COL5A2: variants seen among roughly 807,000 people sequenced by gnomAD.
The protein encoded by COL5A2 is collagen type V alpha 2 chain.
In COL5A2, 23 loss-of-function variants were observed where a neutral mutation model predicts 208.2. The ratio of observed to expected loss-of-function variants is 0.11; its 90% confidence interval spans 0.08 to 0.16. The LOEUF is 0.16. Among genes scored for constraint, COL5A2 ranks in the 10% least tolerant of loss-of-function variants. The probability of loss-of-function intolerance (pLI) is 1.00; values close to 1 mark genes in which losing one functional copy is unlikely to be tolerated. For missense variants in COL5A2, 1,590 were observed against 1,956.4 expected (o/e 0.81, Z 3.53); for synonymous variants, 625 against 628.5 (o/e 0.99, Z 0.08).
chr2:189,302,863 C>T, the COL5A2 span, among the ~76,000 whole-genome samples: 9 of 152,092 alleles, frequency 5.9e-5, no homozygotes, highest in African/African-American at 2.2e-4. Context: ...TCAAGGAACT[C>T]TTACTTTACT....
intron 1 of COL5A2, among the ~76,000 whole-genome samples, chr2:189,135,596 T>C (rs1687812800): frequency 6.6e-6 from 1 of 152,188 alleles, no homozygotes; most frequent in Non-Finnish European, 1.5e-5. Flanking sequence ...TTCAATTGTT[T>C]TGGCTTCAAG....
rs1686151061 is a variant in COL5A2, at chr2:189,066,455, C to T, written c.1498G>A (p.Glu500Lys). 1.2e-6 allele frequency: 2 copies of T among 1,614,182 alleles called. No homozygotes were observed. Among genetic ancestry groups the T allele is most frequent in the Non-Finnish European group, 1.7e-6 (2 of 1,180,030 alleles). Residue 500 changes from glutamate (E) to lysine (K), a missense_variant, in exon 23 of 54, where the codon GAA becomes AAA. Coordinates refer to ENST00000374866, the MANE Select transcript of COL5A2 (RefSeq NM_000393.5). ...IQGPIGPPGE[E>K]GKRGPRGDPG... ...TCACCTCTGGGACCTCTTTTGCCTTCTTCACCGGGTGGGCCTATCGGACCC... is the reference window on the plus strand; with the variant it reads ...TCACCTCTGGGACCTCTTTTGCCTTTTTCACCGGGTGGGCCTATCGGACCC...
At chr2:189,131,285 G>A (rs1230112341) in intron 1 of COL5A2, among the ~76,000 whole-genome samples, 1 of 152,138 alleles carries the variant, frequency 6.6e-6, no homozygotes, top group Non-Finnish European at 1.5e-5. Context: ...ACAGCTAAGT[G>A]AATTGTAAAG....
intron 1 of COL5A2, among the ~76,000 whole-genome samples, chr2:189,208,824 A>G (rs1160366077): frequency 6.6e-6 from 1 of 152,160 alleles, no homozygotes; most frequent in Non-Finnish European, 1.5e-5. Flanking sequence ...GGATGCTGCA[A>G]ATCTTCTTTT....
At chr2:189,360,986 T>A in the COL5A2 span, among the ~76,000 whole-genome samples, 2 of 151,328 alleles carry the variant, frequency 1.3e-5, no homozygotes, top group African/African-American at 4.9e-5. Context: ...TTTTTTTTTT[T>A]AATTTGTTAA....
chr2:189,111,266 C>G (rs947583554), intron 1 of COL5A2, among the ~76,000 whole-genome samples: 4 of 152,034 alleles, frequency 2.6e-5, no homozygotes, highest in African/African-American at 9.7e-5. Flanking sequence ...TGCTCAAGAG[C>G]AGTTCTATTA....
At chr2:189,163,584 A>G (rs1488277199) in intron 1 of COL5A2, among the ~76,000 whole-genome samples, 1 of 152,244 alleles carries the variant, frequency 6.6e-6, no homozygotes, top group East Asian at 1.9e-4. Context: ...AACCATATTT[A>G]GGGACATAAC....
chr2:189,213,117 T>A (rs1689236448), intron 1 of COL5A2, among the ~76,000 whole-genome samples: 1 of 151,960 alleles, frequency 6.6e-6, no homozygotes, highest in African/African-American at 2.4e-5. Context: ...CTAGAACTCC[T>A]GACCTCAGGT....
the COL5A2 span, among the ~76,000 whole-genome samples, chr2:189,295,428 C>T: frequency 5.0e-3 from 755 of 152,098 alleles, 9 homozygotes; most frequent in African/African-American, 0.017. Flanking sequence ...GCCAACATGG[C>T]GAAACTAAAA....
chr2:189,253,586 T>C, the COL5A2 span, among the ~76,000 whole-genome samples: 3 of 152,258 alleles, frequency 2.0e-5, no homozygotes, highest in African/African-American at 7.2e-5. Flanking sequence ...TGTTTACCTT[T>C]ATTGAACCAT....
chr2:189,097,460 A>G, intron 5 of COL5A2, 130 bp from the exon 6 acceptor site: 1 of 936,352 alleles, frequency 1.1e-6, no homozygotes, highest in South Asian at 1.4e-5. Flanking sequence ...TGAAGACTAT[A>G]GAGAATAAAG....
chr2:189,237,816 G>T, the COL5A2 span, among the ~76,000 whole-genome samples: 1 of 151,740 alleles, frequency 6.6e-6, no homozygotes, highest in Admixed American at 6.6e-5. Flanking sequence ...ATTAAATGTG[G>T]CGAAGTAATT....
intron 1 of COL5A2, among the ~76,000 whole-genome samples, chr2:189,204,385 T>A (rs533174434): frequency 5.3e-5 from 8 of 152,358 alleles, no homozygotes; most frequent in African/African-American, 1.7e-4. Context: ...ATCCCCATAG[T>A]ACCTTACTTC....
chr2:189,122,788 A>G (rs1687532334), intron 1 of COL5A2, among the ~76,000 whole-genome samples: 1 of 152,210 alleles, frequency 6.6e-6, no homozygotes, highest in African/African-American at 2.4e-5. Flanking sequence ...AGCTTTCAGG[A>G]ATATTAACGT....
At chr2:189,116,635 T>A (rs1054326000) in intron 1 of COL5A2, among the ~76,000 whole-genome samples, 2 of 152,230 alleles carry the variant, frequency 1.3e-5, no homozygotes, top group Non-Finnish European at 2.9e-5. Context: ...TTACATCTTC[T>A]GTTCTTCAAT....
At chr2:189,115,920 G>C (rs1687380114) in intron 1 of COL5A2, among the ~76,000 whole-genome samples, 1 of 152,008 alleles carries the variant, frequency 6.6e-6, no homozygotes, top group South Asian at 2.1e-4. Context: ...TTGAATGAAA[G>C]GGAATGGTCA....
intron 1 of COL5A2, among the ~76,000 whole-genome samples, chr2:189,116,411 T>C (rs1687391741): frequency 6.6e-6 from 1 of 152,184 alleles, no homozygotes; most frequent in African/African-American, 2.4e-5. Context: ...TTCAATTCCT[T>C]CTTTAGACCA....
At chr2:189,342,640 AACACAC>A in the COL5A2 span, among the ~76,000 whole-genome samples, 77,343 of 143,508 alleles carry the variant, frequency 0.54, 21,952 homozygotes, top group Non-Finnish European at 0.65. Context: ...AGAGAGCTAA[AACACAC>A]ACACACACAC....
At chr2:189,308,275 G>A in the COL5A2 span, among the ~76,000 whole-genome samples, 1 of 149,966 alleles carries the variant, frequency 6.7e-6, no homozygotes, top group Non-Finnish European at 1.5e-5. Context: ...AGGAAGGAGG[G>A]TCAGACATGC....
Sources: gnomAD v4.1 joint callset for allele counts (sites outside exome capture counted in the v4.1 genomes callset) on GRCh38, gnomAD v4.1.1 for gene constraint, MANE v1.5 for transcripts, NCBI Gene and HGNC (gene_info 2026-07-23, HGNC 2026-07-21) for gene names.